LPIN1: variants seen among roughly 807,000 people sequenced by gnomAD.
LPIN1 encodes the protein phosphatidate phosphatase LPIN1.
A neutral mutation model predicts 107.5 loss-of-function variants in LPIN1; 71 were observed. The observed-to-expected ratio is 0.66, with a 90% CI of 0.55 to 0.80. The LOEUF is 0.80. Among genes scored for constraint, LPIN1 ranks in the 30% least tolerant of loss-of-function variants. The pLI is 0.00. For missense variants in LPIN1, 1,043 were observed against 1,160.6 expected (o/e 0.90, Z 1.47); for synonymous variants, 445 against 452.6 (o/e 0.98, Z 0.21).
chr2:11,688,055 A>T (rs745588381), intron 1 of LPIN1, among the ~76,000 whole-genome samples: 1 of 151,972 alleles, frequency 6.6e-6, no homozygotes, highest in African/African-American at 2.4e-5. Context: ...GCCTGGAGGG[A>T]CTCTGAGTGT....
Position 11,826,491 on chromosome 2 carries a change from G to GT in LPIN1, c.*1701dup, listed in dbSNP as rs1297566098. ...CTTGCACTACTGCACTCCAGCCTGGGTGACAGAGTAAGACTCCATGTCAAA... is the reference window on the plus strand; with the variant it reads ...CTTGCACTACTGCACTCCAGCCTGGGTTGACAGAGTAAGACTCCATGTCAAA... On this transcript the variant is annotated 3_prime_UTR_variant, in exon 21 of 21. Coordinates refer to ENST00000674199, the MANE Select transcript of LPIN1 (RefSeq NM_001349206.2). 1 of 146,212 alleles carries GT rather than the reference G, an allele frequency of 6.8e-6. No homozygotes were observed. The highest frequency in any genetic ancestry group is 2.2e-4 in the South Asian group (1 of 4,560). The allele number at this position is 146,212 out of a possible 1,614,324, so 9.1% of individuals were successfully genotyped here.
At chr2:11,820,646 T>C (rs144191620) in intron 20 of LPIN1, 132 bp downstream of exon 20, 21 of 677,598 alleles carry the variant, frequency 3.1e-5, no homozygotes, top group African/African-American at 2.3e-4. Context: ...AATGAAAAAA[T>C]GTATTTTAAC....
In LPIN1 at chr2:11,697,141, C is replaced by T. The variant is rs898088532; in HGVS notation, c.82-16615C>T. 6.6e-6 allele frequency among the ~76,000 whole-genome samples: 1 copy of T among 152,196 alleles called. No homozygotes were observed. Among genetic ancestry groups the T allele is most frequent in the African/African-American group, 2.4e-5 (1 of 41,438 alleles). ...GCTCAAGTTCTGGGAAGGGCAGTGC[C>T]CTTTTCTGTGGGGCCCTGGGCTTGT... On this transcript the variant is annotated intron_variant, in intron 1 of 21. Coordinates refer to the LPIN1 transcript ENST00000449576. The surrounding 1 kb of genome is among the most constrained non-coding windows in gnomAD (Gnocchi z 4.6).
rs993762584 is a variant in LPIN1, at chr2:11,736,334, G to A, written c.-71-5015G>A. Among the ~76,000 whole-genome samples the A allele has an allele frequency of 8.5e-5, 13 of 152,320 alleles. 1 individual carries two copies. Among genetic ancestry groups the A allele is most frequent in the South Asian group, 4.1e-4 (2 of 4,820 alleles). ...GCTGGACCTCTGCCACTGGGGTGCCGGCAGGGTTGGGTTCTGGTGATGTCC... is the reference window on the plus strand; with the variant it reads ...GCTGGACCTCTGCCACTGGGGTGCCAGCAGGGTTGGGTTCTGGTGATGTCC... On this transcript the variant is annotated intron_variant, in intron 1 of 21. Transcript: ENST00000396097.
At chr2:11,746,014 A>C (rs1401450739), upstream of LPIN1, 1 of 152,310 alleles carries the variant, frequency 6.6e-6, no homozygotes, top group East Asian at 1.9e-4. Context: ...GGAGAGGCGC[A>C]GGGAGCTGCC....
At chr2:11,718,375 C>T (rs2148530579) in intron 2 of LPIN1, among the ~76,000 whole-genome samples, 1 of 151,698 alleles carries the variant, frequency 6.6e-6, no homozygotes, top group African/African-American at 2.4e-5. Flanking sequence ...TTACAGGTGC[C>T]CACTACCATG....
At chr2:11,730,774 G>A (rs1665110799) in intron 1 of LPIN1, among the ~76,000 whole-genome samples, 1 of 152,284 alleles carries the variant, frequency 6.6e-6, no homozygotes, top group Middle Eastern at 3.4e-3. Flanking sequence ...GTCACTTCCT[G>A]CGGAAGTACC....
chr2:11,799,718 G>C (rs1677356266), intron 14 of LPIN1, among the ~76,000 whole-genome samples: 1 of 151,992 alleles, frequency 6.6e-6, no homozygotes, highest in Admixed American at 6.6e-5. Flanking sequence ...TCCCAGTCCA[G>C]GTCTCTCTAG....
At chr2:11,756,190 G>C (rs962431310) in intron 1 of LPIN1, among the ~76,000 whole-genome samples, 2 of 152,040 alleles carry the variant, frequency 1.3e-5, no homozygotes, top group Admixed American at 6.6e-5. Context: ...CATTTCCAAG[G>C]AGCAAACCCA....
chr2:11,742,806 A>G (rs554247578), upstream of LPIN1, among the ~76,000 whole-genome samples: 41 of 152,328 alleles, frequency 2.7e-4, no homozygotes, highest in Admixed American at 2.0e-3. Flanking sequence ...ATCCAGTGGG[A>G]GACAGGCATG....
intron 1 of LPIN1, among the ~76,000 whole-genome samples, chr2:11,713,352 C>T (rs1351965031): frequency 6.6e-6 from 1 of 152,228 alleles, no homozygotes; most frequent in Non-Finnish European, 1.5e-5. Flanking sequence ...CTCACTGCAA[C>T]CTCCGCCCCC....
intron 13 of LPIN1, among the ~76,000 whole-genome samples, chr2:11,793,828 A>G (rs766641372): frequency 1.3e-5 from 2 of 152,154 alleles, no homozygotes; most frequent in Admixed American, 6.5e-5. Context: ...CTTTCTGTCT[A>G]GACCCGAAAC....
intron 1 of LPIN1, among the ~76,000 whole-genome samples, chr2:11,759,760 G>A (rs541203535): frequency 6.8e-4 from 102 of 150,848 alleles, no homozygotes; most frequent in Non-Finnish European, 1.2e-3. Context: ...GGGGCGGCTG[G>A]GCAGAGGCGC....
chr2:11,762,472 ACT>A (rs1670001971), intron 1 of LPIN1, among the ~76,000 whole-genome samples: 1 of 151,778 alleles, frequency 6.6e-6, no homozygotes, highest in Non-Finnish European at 1.5e-5. Flanking sequence ...GAAGGCACCA[ACT>A]CTCATTACAG....
chr2:11,800,493 C>T lies in LPIN1; in HGVS notation c.1887-2414C>T, dbSNP rs971249384. On this transcript the variant is annotated intron_variant, in intron 14 of 20. Coordinates refer to ENST00000674199, the MANE Select transcript of LPIN1 (RefSeq NM_001349206.2). ...CGCATTCTTGGCTCACTGCTACCTTCGCCTCCCGGGTCCAAGTGATTCTTT... is the reference window on the plus strand; with the variant it reads ...CGCATTCTTGGCTCACTGCTACCTTTGCCTCCCGGGTCCAAGTGATTCTTT... Among the ~76,000 whole-genome samples, 14 of 152,126 alleles carry T rather than the reference C, an allele frequency of 9.2e-5. No individual in the cohort carries two copies. The East Asian group carries it at 1.3e-3, about 15-fold the overall frequency.
rs576446683 is a variant in LPIN1 at position 11,746,670 on chromosome 2, C to A, written c.-11C>A. 23 of 984,626 alleles carry A rather than the reference C, an allele frequency of 2.3e-5. No individual in the cohort carries two copies. The highest frequency in any genetic ancestry group is 2.5e-5 in the Non-Finnish European group (21 of 829,448). 61.0% of individuals were successfully genotyped at this position (984,626 alleles called of 1,614,324 possible). On this transcript the variant is annotated splice_region_variant and 5_prime_UTR_variant, in exon 1 of 21. Coordinates refer to ENST00000674199, the MANE Select transcript of LPIN1 (RefSeq NM_001349206.2). ...AAAGGCGGCCACGCGCGGCGCCGCTCGGTGAGTAGCCGCCGCCTCCAGCCT... is the reference window on the plus strand; with the variant it reads ...AAAGGCGGCCACGCGCGGCGCCGCTAGGTGAGTAGCCGCCGCCTCCAGCCT...
intron 1 of LPIN1, among the ~76,000 whole-genome samples, chr2:11,754,565 G>A (rs1350816281): frequency 1.3e-5 from 2 of 152,342 alleles, no homozygotes; most frequent in East Asian, 3.9e-4. Context: ...CTGCGGGTGA[G>A]AGCAGTTTTG....
At chr2:11,738,385 TA>T (rs559141592) in intron 1 of LPIN1, among the ~76,000 whole-genome samples, 7,571 of 134,090 alleles carry the variant, frequency 0.056, 583 homozygotes, top group African/African-American at 0.18. Context: ...AAGGTATAAT[TA>T]AAAAAAAAAA....
rs569631282 is a variant in LPIN1, at chr2:11,785,369, A to C, written c.1549+293A>C. On this transcript the variant is annotated intron_variant, in intron 10 of 20. Coordinates refer to ENST00000674199, the MANE Select transcript of LPIN1 (RefSeq NM_001349206.2). ...TGCAGGCTAGAGGGGGTGTCAGTCT[A>C]ATTAAATTAGAGGGTGTCGGCAGCG... is the stretch of plus-strand genomic sequence containing the variant. Among the ~76,000 whole-genome samples, 15 of 152,192 alleles carry C rather than the reference A, an allele frequency of 9.9e-5. No homozygotes were observed. The South Asian group carries it at 2.9e-3, about 29-fold the overall frequency.
Sources: gnomAD v4.1 joint callset for allele counts (sites outside exome capture counted in the v4.1 genomes callset) on GRCh38, gnomAD v4.1.1 for gene constraint, Gnocchi (gnomAD v3.1) non-coding constraint, MANE v1.5 for transcripts, NCBI Gene and HGNC (gene_info 2026-07-23, HGNC 2026-07-21) for gene names.